TOR1AIP1: variants seen among roughly 807,000 people sequenced by gnomAD.
The protein encoded by TOR1AIP1 is torsin 1A interacting protein 1, also known as torsin-1A-interacting protein 1.
In TOR1AIP1, 54 loss-of-function variants were observed where a neutral mutation model predicts 63.3. That is an observed-to-expected ratio of 0.85 (90% confidence interval 0.69 to 1.07). TOR1AIP1 has a LOEUF of 1.07. Ranked by LOEUF, TOR1AIP1 falls within the 50% of genes least tolerant of loss-of-function variation. TOR1AIP1 has a pLI of 0.00. For missense variants in TOR1AIP1, 736 were observed against 715.0 expected (o/e 1.03, Z -0.33); for synonymous variants, 294 against 273.5 (o/e 1.07, Z -0.74).
chr1:179,899,852 C>T (rs1418101482), intron 3 of TOR1AIP1, among the ~76,000 whole-genome samples: 1 of 152,210 alleles, frequency 6.6e-6, no homozygotes, highest in East Asian at 1.9e-4. Flanking sequence ...ACCATGTTGA[C>T]CAGGCTGGTC....
chr1:179,898,652 A>C (rs568293070), intron 3 of TOR1AIP1, among the ~76,000 whole-genome samples: 1 of 152,226 alleles, frequency 6.6e-6, no homozygotes, highest in Admixed American at 6.5e-5. Context: ...ATTACAGGCT[A>C]GGAGATGGGA....
intron 8 of TOR1AIP1, among the ~76,000 whole-genome samples, chr1:179,909,955 G>C (rs1389552338): frequency 6.6e-6 from 1 of 152,066 alleles, no homozygotes; most frequent in Non-Finnish European, 1.5e-5. Flanking sequence ...GTAGAGACGG[G>C]GTTTCGCCAT....
intron 3 of TOR1AIP1, among the ~76,000 whole-genome samples, chr1:179,890,178 GT>G (rs2148472147): frequency 6.6e-6 from 1 of 152,202 alleles, no homozygotes; most frequent in Admixed American, 6.5e-5. Flanking sequence ...CCCTCCCTCA[GT>G]TATCTTTTTG....
intron 3 of TOR1AIP1, among the ~76,000 whole-genome samples, chr1:179,891,333 T>C: frequency 6.6e-6 from 1 of 152,100 alleles, no homozygotes. Flanking sequence ...GCAATTCTCC[T>C]GCCTCAGCCT....
At chr1:179,889,438 C>T in intron 3 of TOR1AIP1, 69 bp downstream of exon 3, 1 of 1,324,850 alleles carries the variant, frequency 7.5e-7, no homozygotes, top group African/African-American at 1.5e-5. Flanking sequence ...TATGGTTGTA[C>T]ATGTATTCAT....
chr1:179,895,721 G>A (rs904431334), intron 3 of TOR1AIP1, among the ~76,000 whole-genome samples: 15 of 152,142 alleles, frequency 9.9e-5, no homozygotes, highest in African/African-American at 2.4e-4. Flanking sequence ...CCAACATGGC[G>A]AAACCCCGTC....
intron 7 of TOR1AIP1, 117 bp from the exon 8 acceptor site, chr1:179,908,487 AT>A: frequency 1.3e-6 from 1 of 789,542 alleles, no homozygotes; most frequent in Non-Finnish European, 2.0e-6. Flanking sequence ...TATTGCTTTT[AT>A]TGTTTTCTTC....
chr1:179,885,763 C>T (rs1048139481), intron 2 of TOR1AIP1, among the ~76,000 whole-genome samples: 2 of 151,918 alleles, frequency 1.3e-5, no homozygotes, highest in African/African-American at 4.8e-5. Flanking sequence ...TTTTTTGAGA[C>T]AAAGTCTCGC....
At chr1:179,901,132 C>A in intron 4 of TOR1AIP1, 170 bp from the exon 5 acceptor site, 1 of 445,346 alleles carries the variant, frequency 2.2e-6, no homozygotes, top group Non-Finnish European at 4.0e-6. Context: ...ATTTTAGTTC[C>A]TTTGGAACTT....
intron 3 of TOR1AIP1, among the ~76,000 whole-genome samples, chr1:179,899,651 C>T (rs574910612): frequency 1.3e-5 from 2 of 152,182 alleles, no homozygotes; most frequent in African/African-American, 2.4e-5. Flanking sequence ...ACTTCATTTC[C>T]TTTTTCTGTT....
intron 3 of TOR1AIP1, among the ~76,000 whole-genome samples, chr1:179,895,393 G>T (rs761899131): frequency 1.3e-5 from 2 of 151,844 alleles, no homozygotes; most frequent in Non-Finnish European, 2.9e-5. Flanking sequence ...CAGGTGGATC[G>T]CTTGAACCCA....
At position 179,918,601 on chromosome 1, in the gene TOR1AIP1, A is replaced by G. The variant is rs1649097205; in HGVS notation, c.*362A>G. ...GATTTTTTAACTTAGATTTCTCACT[A>G]AGTTTCCTGAGTTATTAGTAAGATT... is the stretch of plus-strand genomic sequence containing the variant. On this transcript the variant is annotated 3_prime_UTR_variant, in exon 10 of 10. Transcript: ENST00000606911. 5.5e-6 allele frequency: 1 copy of G among 180,874 alleles called. No homozygotes were observed. The highest frequency in any genetic ancestry group is 2.4e-5 in the African/African-American group (1 of 41,924). The allele number at this position is 180,874 out of a possible 1,614,324, so 11.2% of individuals were successfully genotyped here.
rs534986992 is a variant in TOR1AIP1, at chr1:179,886,033, G to A, written c.553+1264G>A. On this transcript the variant is annotated intron_variant, in intron 2 of 9. Transcript: ENST00000606911. The stretch of plus-strand genomic sequence containing the variant: ...TGGGATTATAGGCATCAGCCACCAC[G>A]CCTGGCCTGTCCTATATTCCTTGAA... Among the ~76,000 whole-genome samples the A allele has an allele frequency of 9.2e-5, 14 of 152,290 alleles. No individual in the cohort carries two copies. The East Asian group carries it at 1.7e-3, about 19-fold the overall frequency.
At chr1:179,915,423 T>C (rs1247401750) in intron 9 of TOR1AIP1, among the ~76,000 whole-genome samples, 1 of 152,218 alleles carries the variant, frequency 6.6e-6, no homozygotes, top group African/African-American at 2.4e-5. Context: ...ATAAAAAATA[T>C]CACATTTGTT....
Position 179,891,517 on chromosome 1 carries a change from C to G in TOR1AIP1, c.610+2148C>G, listed in dbSNP as rs1648079118. On this transcript the variant is annotated intron_variant, in intron 3 of 9. Coordinates refer to ENST00000606911, the MANE Select transcript of TOR1AIP1 (RefSeq NM_015602.4). ...GGATTACAGGCATGAGCCACCACGC[C>G]CGGCCTTTCTCCTTGATTTTTATTT... is the stretch of plus-strand genomic sequence containing the variant. 2.6e-5 allele frequency among the ~76,000 whole-genome samples: 4 copies of G among 151,996 alleles called. No homozygotes were observed. In the South Asian group the frequency reaches 8.3e-4, roughly 32 times the overall value.
rs376720897 is a variant in TOR1AIP1, at chr1:179,882,803, G to A, written c.301G>A (p.Glu101Lys). 28 of 1,614,052 alleles carry A rather than the reference G, an allele frequency of 1.7e-5. No homozygotes were observed. In the African/African-American group the frequency reaches 3.5e-4, roughly 20 times the overall value. Residue 101 changes from glutamate (E) to lysine (K), a missense_variant, in exon 1 of 10, where the codon GAA becomes AAA. This residue lies in a region of TOR1AIP1 where 464 missense variants were observed against 371.0 expected (regional missense o/e 1.25). Coordinates refer to ENST00000606911, the MANE Select transcript of TOR1AIP1 (RefSeq NM_015602.4). Reference sequence around the variant, plus strand: ...CGATTCTGCGAAAGAGGAAGTGAGAGAAAGCGCGTACTACCTTCGGTCTAG... The same window carrying A: ...CGATTCTGCGAAAGAGGAAGTGAGAAAAAGCGCGTACTACCTTCGGTCTAG... ...RSDSAKEEVR[E>K]SAYYLRSRQR...
intron 1 of TOR1AIP1, chr1:179,883,514 G>C: frequency 2.4e-6 from 1 of 415,272 alleles, no homozygotes; most frequent in Non-Finnish European, 4.9e-6. Flanking sequence ...GAATTGATTT[G>C]AGACCTCACC....
intron 3 of TOR1AIP1, among the ~76,000 whole-genome samples, chr1:179,889,921 A>G (rs1648017404): frequency 6.6e-6 from 1 of 152,152 alleles, no homozygotes; most frequent in Admixed American, 6.5e-5. Flanking sequence ...GAGTGCTGGG[A>G]TTACAGGCAT....
rs1571730145 is a variant in TOR1AIP1, at chr1:179,900,420, G to A, written c.652+253G>A. On this transcript the variant is annotated intron_variant, in intron 4 of 9. Transcript: ENST00000606911. Reference sequence around the variant, plus strand: ...AATATGGTGACCTCCCGGGAGCGGGGGACCACCATGTTGCCTAAAGAGGGG... The same window carrying A: ...AATATGGTGACCTCCCGGGAGCGGGAGACCACCATGTTGCCTAAAGAGGGG... 10 of 269,560 alleles carry A rather than the reference G, an allele frequency of 3.7e-5. No homozygotes were observed. The East Asian group carries it at 7.5e-4, about 20-fold the overall frequency. 16.7% of individuals were successfully genotyped at this position (269,560 alleles called of 1,614,324 possible).
Sources: allele counts gnomAD v4.1 joint callset (sites outside exome capture counted in the v4.1 genomes callset), GRCh38; gene constraint gnomAD v4.1.1; regional missense constraint gnomAD v4.1.1; transcripts MANE v1.5; gene names NCBI Gene and HGNC (gene_info 2026-07-23, HGNC 2026-07-21).